PGM5: variants seen among roughly 807,000 people sequenced by gnomAD.
PGM5 encodes the protein phosphoglucomutase-like protein 5.
In PGM5, 23 loss-of-function variants were observed where a neutral mutation model predicts 59.2. The observed-to-expected ratio is 0.39, with a 90% CI of 0.28 to 0.55. PGM5 has a LOEUF of 0.55. Among genes scored for constraint, PGM5 ranks in the 20% least tolerant of loss-of-function variants. The pLI is 0.66. For synonymous variants in PGM5, 214 were observed against 286.0 expected (o/e 0.75, Z 2.54); for missense variants, 574 against 748.3 (o/e 0.77, Z 2.72).
intron 2 of PGM5, among the ~76,000 whole-genome samples, chr9:68,379,400 C>T (rs1356694665): frequency 1.3e-5 from 2 of 152,236 alleles, no homozygotes; most frequent in Admixed American, 6.5e-5. Flanking sequence ...TTATCTATCC[C>T]TCCTTGCAGA....
At chr9:68,446,992 T>G (rs976747994) in intron 6 of PGM5, among the ~76,000 whole-genome samples, 1 of 152,310 alleles carries the variant, frequency 6.6e-6, no homozygotes, top group South Asian at 2.1e-4. Flanking sequence ...AGCTCTGCCC[T>G]CCTGTCAGAA....
chr9:68,396,762 CTT>C (rs782497809), intron 6 of PGM5: 17 of 152,144 alleles, frequency 1.1e-4, no homozygotes, highest in Admixed American at 1.0e-3. Context: ...ATCAATGCAG[CTT>C]CAAAATTTCG....
chr9:68,444,935 C>T (rs1823588574), intron 6 of PGM5, among the ~76,000 whole-genome samples: 1 of 152,172 alleles, frequency 6.6e-6, no homozygotes, highest in South Asian at 2.1e-4. Context: ...AGGGATTGGC[C>T]TTCAGCTGGC....
chr9:68,439,919 G>A (rs1823500360), intron 6 of PGM5, among the ~76,000 whole-genome samples: 1 of 152,076 alleles, frequency 6.6e-6, no homozygotes, highest in African/African-American at 2.4e-5. Context: ...ATCTGGGCAT[G>A]AATAGATCTG....
rs1822162724 is a variant in PGM5, at chr9:68,384,450, T to A, written c.477T>A (p.Ile159=). The part of the protein sequence containing the change: ...SDKIYQISKT[I]EEYAICPDLR... Reference sequence around the variant, plus strand: ...AAATCTACCAAATCAGCAAAACGATTGAGGAATATGCTATATGTCCTGATC... The same window carrying A: ...AAATCTACCAAATCAGCAAAACGATAGAGGAATATGCTATATGTCCTGATC... The change falls in exon 3 of 11, where the codon ATT becomes ATA. Residue 159 remains isoleucine (I), a synonymous_variant. Transcript: ENST00000396396. The A allele has an allele frequency of 1.9e-6, 3 of 1,604,714 alleles. No homozygotes were observed. The highest frequency in any genetic ancestry group is 2.6e-6 in the Non-Finnish European group (3 of 1,172,150).
At chr9:68,476,360 A>G (rs1824103979) in intron 7 of PGM5, among the ~76,000 whole-genome samples, 1 of 152,094 alleles carries the variant, frequency 6.6e-6, no homozygotes, top group Admixed American at 6.6e-5. Context: ...TTATTGACCT[A>G]TGAAAACATT....
chr9:68,400,610 C>T (rs1477400626), intron 6 of PGM5: 1 of 152,620 alleles, frequency 6.6e-6, no homozygotes, highest in East Asian at 1.9e-4. Context: ...TCTGGTGATA[C>T]TATCTGTTGA....
chr9:68,481,314 G>T (rs1332488066), intron 8 of PGM5, among the ~76,000 whole-genome samples: 1 of 152,180 alleles, frequency 6.6e-6, no homozygotes, highest in Non-Finnish European at 1.5e-5. Flanking sequence ...GAAAGCTGGG[G>T]ATGTGATAGC....
chr9:68,434,316 CAAAAAAAAAAA>C (rs71353054), intron 6 of PGM5, among the ~76,000 whole-genome samples: 1 of 90,832 alleles, frequency 1.1e-5, no homozygotes, highest in Non-Finnish European at 2.1e-5. Context: ...GACTCCGTCT[CAAAAAAAAAAA>C]AAAAAAAAAA....
rs578146689 is a variant in PGM5, at chr9:68,435,377, G to A, written c.1044-29716G>A. On this transcript the variant is annotated intron_variant, in intron 6 of 10. Coordinates refer to ENST00000396396, the MANE Select transcript of PGM5 (RefSeq NM_021965.4). Reference sequence around the variant, plus strand: ...ATCATAATGGTTGGCAATTTTCATCGGGTAAAAAAGAAATCCTGTACCCTT... The same window carrying A: ...ATCATAATGGTTGGCAATTTTCATCAGGTAAAAAAGAAATCCTGTACCCTT... Among the ~76,000 whole-genome samples, 36 of 152,088 alleles carry A rather than the reference G, an allele frequency of 2.4e-4. No individual in the cohort carries two copies. The South Asian group carries it at 3.9e-3, about 17-fold the overall frequency.
intron 1 of PGM5, among the ~76,000 whole-genome samples, chr9:68,364,264 G>T (rs1554676497): frequency 6.6e-6 from 1 of 152,054 alleles, no homozygotes; most frequent in Admixed American, 6.5e-5. Context: ...GGTTGTATTT[G>T]ATTCCAGTTG....
Position 68,529,789 on chromosome 9 carries a change from A to C in PGM5, c.*133A>C. The C allele has an allele frequency of 6.1e-5, 19 of 311,298 alleles. No individual in the cohort carries two copies. Among genetic ancestry groups the C allele is most frequent in the East Asian group, 2.5e-4 (2 of 8,154 alleles). 19.3% of individuals were successfully genotyped at this position (311,298 alleles called of 1,614,324 possible). A position where few individuals can be genotyped will look rare whatever the true frequency, so the allele number is the denominator to read the frequency against. On this transcript the variant is annotated 3_prime_UTR_variant, in exon 11 of 11. Transcript: ENST00000396396. Reference sequence around the variant, plus strand: ...AAGATATTTTGCTTTTGGGGGATAGAGGGTGGGTGGGAAAAGAAAAAAAAT... The same window carrying C: ...AAGATATTTTGCTTTTGGGGGATAGCGGGTGGGTGGGAAAAGAAAAAAAAT...
intron 6 of PGM5, among the ~76,000 whole-genome samples, chr9:68,427,584 G>GT: frequency 6.6e-6 from 1 of 152,266 alleles, no homozygotes; most frequent in Admixed American, 6.5e-5. Context: ...CTGATTCTGG[G>GT]CTTTTCACTT....
At chr9:68,489,403 T>C (rs1824350090) in intron 9 of PGM5, among the ~76,000 whole-genome samples, 1 of 152,192 alleles carries the variant, frequency 6.6e-6, no homozygotes, top group Non-Finnish European at 1.5e-5. Flanking sequence ...GAGTCTCTTT[T>C]TATGACTCAT....
At chr9:68,366,726 C>T (rs1296781218) in intron 1 of PGM5, among the ~76,000 whole-genome samples, 1 of 151,996 alleles carries the variant, frequency 6.6e-6, no homozygotes, top group African/African-American at 2.4e-5. Flanking sequence ...GTCGCCTAGC[C>T]TCCTAGGGTT....
chr9:68,396,440 T>C lies in PGM5; in HGVS notation c.1043+3967T>C, dbSNP rs2258074. ...CCATGGCTAGGGGAGGCTGGTTTTA[T>C]TCTGACAACAAAAACCATTTGTCCT... On this transcript the variant is annotated intron_variant, in intron 6 of 10. Transcript: ENST00000396396. 5.6e-3 allele frequency: 846 copies of C among 151,894 alleles called. 8 individuals carry two copies. Among genetic ancestry groups the C allele is most frequent in the African/African-American group, 0.019 (799 of 41,452 alleles). 9.4% of individuals were successfully genotyped at this position (151,894 alleles called of 1,614,324 possible).
At chr9:68,362,871 T>C (rs1263982992) in intron 1 of PGM5, among the ~76,000 whole-genome samples, 25 of 142,388 alleles carry the variant, frequency 1.8e-4, no homozygotes, top group African/African-American at 2.3e-4. Context: ...TTTTCTTTTT[T>C]TTTTTTTTTT....
At chr9:68,454,950 T>C (rs1554684682) in intron 6 of PGM5, among the ~76,000 whole-genome samples, 1 of 152,222 alleles carries the variant, frequency 6.6e-6, no homozygotes, top group East Asian at 1.9e-4. Flanking sequence ...GCATGACCTT[T>C]CCTTATGCTT....
chr9:68,379,041 C>T (rs1821998235), intron 2 of PGM5, among the ~76,000 whole-genome samples: 1 of 152,120 alleles, frequency 6.6e-6, no homozygotes, highest in Admixed American at 6.6e-5. Flanking sequence ...GAACATTTCA[C>T]ACCCAAATAT....
Sources: gnomAD v4.1 joint callset for allele counts (sites outside exome capture counted in the v4.1 genomes callset) on GRCh38, gnomAD v4.1.1 for gene constraint, MANE v1.5 for transcripts, NCBI Gene and HGNC (gene_info 2026-07-23, HGNC 2026-07-21) for gene names.